DST: variants seen among roughly 807,000 people sequenced by gnomAD.
DST encodes dystonin.
Under a neutral mutation model 875.2 loss-of-function variants are expected in DST, and 253 were observed. That is an observed-to-expected ratio of 0.29 (90% CI 0.26 to 0.32). The LOEUF (loss-of-function observed/expected upper bound fraction) is 0.32. Among genes scored for constraint, DST ranks in the 10% least tolerant of loss-of-function variants. The pLI, the probability that DST is intolerant of heterozygous loss-of-function variation, is 1.00. For synonymous variants in DST, 3,124 were observed against 3,197.1 expected (o/e 0.98, Z 0.77); for missense variants, 8,287 against 9,111.6 (o/e 0.91, Z 3.68).
intron 23 of DST, among the ~76,000 whole-genome samples, chr6:56,636,125 A>AT (rs2098821819): frequency 6.6e-6 from 1 of 152,034 alleles, no homozygotes. Context: ...TAGAATAAAG[A>AT]TTTTATGATA....
At chr6:56,492,661 G>A (rs1441905746) in intron 84 of DST, among the ~76,000 whole-genome samples, 1 of 152,114 alleles carries the variant, frequency 6.6e-6, no homozygotes, top group Admixed American at 6.5e-5. Context: ...CTTGAGGTCA[G>A]GAGTTCAAGA....
chr6:56,782,933 T>A (rs531514040), intron 4 of DST, among the ~76,000 whole-genome samples: 61 of 152,380 alleles, frequency 4.0e-4, no homozygotes, highest in Admixed American at 1.7e-3. Context: ...GACTTTGTTC[T>A]CGTTGGTTTC....
intron 5 of DST, among the ~76,000 whole-genome samples, chr6:56,729,900 C>T (rs1352757820): frequency 6.6e-6 from 1 of 152,136 alleles, no homozygotes; most frequent in East Asian, 1.9e-4. Flanking sequence ...CGTGATGGAA[C>T]AGTGATAAAA....
At chr6:56,620,661 G>C in intron 36 of DST, 1 of 1,613,996 alleles carries the variant, frequency 6.2e-7, no homozygotes, top group South Asian at 1.1e-5. Context: ...GCCTTCTGAC[G>C]CTGAAGCAGA....
Position 56,573,059 on chromosome 6 carries a change from C to A in DST, c.13242G>T (p.Leu4414Phe), listed in dbSNP as rs747967281. The A allele has an allele frequency of 1.9e-6, 3 of 1,550,618 alleles. No individual in the cohort carries two copies. Among genetic ancestry groups the A allele is most frequent in the Non-Finnish European group, 2.6e-6 (3 of 1,151,132 alleles). The stretch of plus-strand genomic sequence containing the variant: ...TCTGACGACCTGCAATATCCTGTTC[C>A]AACATCTAAAATAAACCAAATATTG... ...LQDIISKNIM[L>F]EQDIAGRQSS... The change falls in exon 52 of 104, where the codon TTG becomes TTT. Residue 4414 changes from leucine to phenylalanine, a missense_variant. Physicochemically the swap from Leu to Phe is conservative, Grantham distance 22. This residue lies in a region of DST where 1,513 missense variants were observed against 1,677.8 expected (regional missense o/e 0.90). Transcript: ENST00000680361.
At position 56,648,598 on chromosome 6, in the gene DST, G is replaced by A; in HGVS notation, c.1526C>T (p.Thr509Ile). Reference sequence around the variant, plus strand: ...CAGTTCTACAGGATTATTAGGAAATGTTCTCTCAGACATTGTGGTCACATG... The same window carrying A: ...CAGTTCTACAGGATTATTAGGAAATATTCTCTCAGACATTGTGGTCACATG... ...RHHVTTMSER[T>I]FPNNPVELKA... Residue 509 changes from threonine to isoleucine, a missense_variant, in exon 13 of 104, where the codon ACA becomes ATA. Physicochemically the swap from Thr to Ile is moderately conservative, Grantham distance 89 (BLOSUM62 -1). Around this residue, in one of 10 missense-constraint regions of DST, gnomAD observed 1,160 missense variants for 1,424.3 expected, o/e 0.81. Coordinates refer to ENST00000680361, the MANE Select transcript of DST (RefSeq NM_001374736.1). 6.3e-7 allele frequency: 1 copy of A among 1,587,410 alleles called. No individual in the cohort carries two copies. The highest frequency in any genetic ancestry group is 8.6e-7 in the Non-Finnish European group (1 of 1,164,588).
intron 3 of DST, among the ~76,000 whole-genome samples, chr6:56,892,175 G>T (rs1279514847): frequency 6.6e-6 from 1 of 152,178 alleles, no homozygotes; most frequent in Non-Finnish European, 1.5e-5. Context: ...ACCAGTGGTT[G>T]TCTGAAATGT....
chr6:56,767,575 C>T (rs1053106093), intron 4 of DST, among the ~76,000 whole-genome samples: 4 of 151,696 alleles, frequency 2.6e-5, no homozygotes, highest in South Asian at 2.1e-4. Context: ...TGGTATCGCA[C>T]GACTGTACTT....
intron 4 of DST, among the ~76,000 whole-genome samples, chr6:56,735,574 T>C (rs1258771191): frequency 1.8e-5 from 2 of 108,516 alleles, no homozygotes; most frequent in African/African-American, 4.9e-5. Flanking sequence ...ACCACCACCA[T>C]GAAGTTGTCT....
intron 2 of DST, among the ~76,000 whole-genome samples, chr6:56,903,847 C>T (rs1025277431): frequency 2.0e-5 from 3 of 152,166 alleles, no homozygotes; most frequent in Non-Finnish European, 4.4e-5. Flanking sequence ...TGAGCACTGC[C>T]TCAGTTATTT....
At position 56,618,385 on chromosome 6, in the gene DST, C is replaced by T. The variant is rs778081252; in HGVS notation, c.4930-3901G>A. ...AGTGCTGGCACTCCTTCACTGTCAT[C>T]TCAAAATCTGGTTTGAAGGTACAGT... On this transcript the variant is annotated intron_variant, in intron 36 of 103. Coordinates refer to ENST00000680361, the MANE Select transcript of DST (RefSeq NM_001374736.1). 122 of 1,614,156 alleles carry T rather than the reference C, an allele frequency of 7.6e-5. 6 individuals carry two copies. In the South Asian group the frequency reaches 1.3e-3, roughly 18 times the overall value.
intron 36 of DST, among the ~76,000 whole-genome samples, chr6:56,622,359 A>C (rs1344504854): frequency 6.6e-6 from 1 of 152,104 alleles, no homozygotes; most frequent in African/African-American, 2.4e-5. Flanking sequence ...TCATGAGGTC[A>C]GGAGTTCAAG....
chr6:56,732,651 T>A (rs1420759773), intron 5 of DST, among the ~76,000 whole-genome samples: 2 of 152,232 alleles, frequency 1.3e-5, no homozygotes, highest in Non-Finnish European at 2.9e-5. Context: ...ATATAAACTT[T>A]TAAAAATTGA....
intron 9 of DST, among the ~76,000 whole-genome samples, chr6:56,677,846 C>T (rs1432087529): frequency 2.0e-5 from 3 of 152,168 alleles, no homozygotes; most frequent in African/African-American, 7.2e-5. Context: ...CAGCTTGCTA[C>T]CATTCCCAAA....
chr6:56,703,964 T>C (rs1456506634), intron 6 of DST, among the ~76,000 whole-genome samples: 1 of 151,454 alleles, frequency 6.6e-6, no homozygotes, highest in East Asian at 1.9e-4. Context: ...TCTTTTAATA[T>C]GTGGTTATAT....
chr6:56,757,786 T>C lies in DST; in HGVS notation c.626-22497A>G, dbSNP rs970531436. 2.0e-4 allele frequency among the ~76,000 whole-genome samples: 30 copies of C among 152,180 alleles called. 1 individual carries two copies. Among genetic ancestry groups the C allele is most frequent in the African/African-American group, 6.5e-4 (27 of 41,452 alleles). ...GGACCACAAAGCAGCAGCCTAAGTCTGCAGGAACAAGAAGTAAGGAGCCTC... is the reference window on the plus strand; with the variant it reads ...GGACCACAAAGCAGCAGCCTAAGTCCGCAGGAACAAGAAGTAAGGAGCCTC... On this transcript the variant is annotated intron_variant, in intron 4 of 103. Coordinates refer to ENST00000680361, the MANE Select transcript of DST (RefSeq NM_001374736.1).
At chr6:56,761,059 G>C (rs1019497012) in intron 4 of DST, among the ~76,000 whole-genome samples, 1 of 152,196 alleles carries the variant, frequency 6.6e-6, no homozygotes, top group African/African-American at 2.4e-5. Context: ...TTTCTTTCTT[G>C]ATTTCTACAT....
chr6:56,569,141 T>G (rs959157851), intron 54 of DST, among the ~76,000 whole-genome samples: 1 of 151,890 alleles, frequency 6.6e-6, no homozygotes, highest in African/African-American at 2.4e-5. Flanking sequence ...GCTAACATGA[T>G]GAAACCCTGT....
chr6:56,497,770 C>T, intron 81 of DST, 86 bp downstream of exon 81: 1 of 1,237,484 alleles, frequency 8.1e-7, no homozygotes. Flanking sequence ...AAAAATTAAA[C>T]AGGAGTCTGT....
Sources: allele counts gnomAD v4.1 joint callset (sites outside exome capture counted in the v4.1 genomes callset), GRCh38; gene constraint gnomAD v4.1.1; regional missense constraint gnomAD v4.1.1; transcripts MANE v1.5; gene names NCBI Gene and HGNC (gene_info 2026-07-23, HGNC 2026-07-21).